Variants in NMNAT2 observed in about 807,000 individuals in gnomAD.
The protein encoded by NMNAT2 is nicotinamide nucleotide adenylyltransferase 2, also known as nicotinamide/nicotinic acid mononucleotide adenylyltransferase 2.
A neutral mutation model predicts 41.6 loss-of-function variants in NMNAT2; 11 were observed. The observed-to-expected ratio is 0.26, with a 90% CI of 0.17 to 0.44. The LOEUF is 0.44. Ranked by LOEUF, NMNAT2 falls within the 20% of genes least tolerant of loss-of-function variation. NMNAT2 has a pLI of 1.00. For missense variants in NMNAT2, 288 were observed against 407.7 expected (o/e 0.71, Z 2.53); for synonymous variants, 148 against 151.2 (o/e 0.98, Z 0.16).
At chr1:183,310,285 C>T (rs1047778418) in intron 1 of NMNAT2, among the ~76,000 whole-genome samples, 17 of 152,162 alleles carry the variant, frequency 1.1e-4, no homozygotes, top group African/African-American at 4.1e-4. Context: ...TGCCCTGATC[C>T]TGGGACCGCT....
At chr1:183,300,170 G>A (rs1661811765) in intron 1 of NMNAT2, among the ~76,000 whole-genome samples, 2 of 152,208 alleles carry the variant, frequency 1.3e-5, no homozygotes, top group South Asian at 2.1e-4. Context: ...TTGGGAGGCC[G>A]AGGTGGGCGT....
intron 1 of NMNAT2, among the ~76,000 whole-genome samples, chr1:183,332,680 T>C (rs1662609431): frequency 6.6e-6 from 1 of 152,026 alleles, no homozygotes; most frequent in Non-Finnish European, 1.5e-5. Flanking sequence ...CCTTTCAGTC[T>C]GACTGGCAAC....
At chr1:183,320,877 A>G (rs972051477) in intron 1 of NMNAT2, among the ~76,000 whole-genome samples, 11 of 152,192 alleles carry the variant, frequency 7.2e-5, no homozygotes, top group African/African-American at 2.7e-4. Context: ...AGTAGGGGAG[A>G]TTGGTGAACA....
intron 1 of NMNAT2, among the ~76,000 whole-genome samples, chr1:183,393,107 T>C (rs1265601123): frequency 6.6e-6 from 1 of 152,226 alleles, no homozygotes; most frequent in Non-Finnish European, 1.5e-5. Flanking sequence ...ACATGATCCC[T>C]AGCTGCTCCA....
chr1:183,417,884 A>C (rs550138819), intron 1 of NMNAT2, among the ~76,000 whole-genome samples: 4 of 151,728 alleles, frequency 2.6e-5, no homozygotes, highest in South Asian at 2.1e-4. Context: ...GCCACACTCC[A>C]GTTCTGGTAT....
intron 1 of NMNAT2, among the ~76,000 whole-genome samples, chr1:183,351,440 G>C (rs1356675542): frequency 6.6e-6 from 1 of 152,134 alleles, no homozygotes; most frequent in Non-Finnish European, 1.5e-5. Context: ...GACACAAACT[G>C]CCAAGTCTGT....
In NMNAT2 at chr1:183,290,346, G is replaced by A. The variant is rs1571576898; in HGVS notation, c.243-140C>T. The A allele has an allele frequency of 4.8e-6, 3 of 626,418 alleles. No individual in the cohort carries two copies. The East Asian group carries it at 8.9e-5, about 19-fold the overall frequency. 38.8% of individuals were successfully genotyped at this position (626,418 alleles called of 1,614,324 possible). A position where few individuals can be genotyped will look rare whatever the true frequency, so the allele number is the denominator to read the frequency against. The stretch of plus-strand genomic sequence containing the variant: ...TTAGATCTTGAATCAGATAAAACCT[G>A]GGTGTGAAACACTCTTCTGAGCTTC... On this transcript the variant is annotated intron_variant, in intron 3 of 10. Transcript: ENST00000287713.
intron 1 of NMNAT2, among the ~76,000 whole-genome samples, chr1:183,372,999 C>G (rs77852799): frequency 2.0e-5 from 3 of 152,204 alleles, no homozygotes; most frequent in Non-Finnish European, 4.4e-5. Flanking sequence ...CCAGCTCCCC[C>G]AGGGAGGCCA....
rs938770272 is a variant in NMNAT2 at position 183,320,424 on chromosome 1, T to C, written c.86-26631A>G. On this transcript the variant is annotated intron_variant, in intron 1 of 10. Coordinates refer to ENST00000287713, the MANE Select transcript of NMNAT2 (RefSeq NM_015039.4). ...TTCAAGACCAGCCTGGCCAACGTGG[T>C]GAAACCCCTGTCTCTACTAAAAATA... Among the ~76,000 whole-genome samples the C allele has an allele frequency of 7.9e-5, 12 of 152,024 alleles. 1 individual carries two copies. The highest frequency in any genetic ancestry group is 2.7e-4 in the African/African-American group (11 of 41,402).
intron 1 of NMNAT2, among the ~76,000 whole-genome samples, chr1:183,304,420 A>T (rs1317693972): frequency 6.6e-6 from 1 of 152,116 alleles, no homozygotes; most frequent in Admixed American, 6.5e-5. Flanking sequence ...TCCCAAGGGG[A>T]TGATAGGTTA....
chr1:183,373,074 A>G lies in NMNAT2; in HGVS notation c.85+45109T>C, dbSNP rs143050358. Among the ~76,000 whole-genome samples the G allele has an allele frequency of 1.2e-4, 18 of 152,350 alleles. No individual in the cohort carries two copies. In the East Asian group the frequency reaches 3.5e-3, roughly 29 times the overall value. ...GACTCTAAACAAGCTATTGGGCCAGAGAGCCCTCAGAATGGGGCCAAGTGA... is the reference window on the plus strand; with the variant it reads ...GACTCTAAACAAGCTATTGGGCCAGGGAGCCCTCAGAATGGGGCCAAGTGA... On this transcript the variant is annotated intron_variant, in intron 1 of 10. Coordinates refer to ENST00000287713, the MANE Select transcript of NMNAT2 (RefSeq NM_015039.4).
chr1:183,416,472 A>G (rs186513649), intron 1 of NMNAT2, among the ~76,000 whole-genome samples: 12 of 152,340 alleles, frequency 7.9e-5, no homozygotes, highest in African/African-American at 2.9e-4. Flanking sequence ...GGATGAAGAC[A>G]CCAGCATCAA....
At chr1:183,318,143 G>A (rs987215281) in intron 1 of NMNAT2, among the ~76,000 whole-genome samples, 4 of 152,128 alleles carry the variant, frequency 2.6e-5, no homozygotes, top group African/African-American at 4.8e-5. Context: ...ATTGGGCTTC[G>A]ACTCCCAGAC....
intron 1 of NMNAT2, among the ~76,000 whole-genome samples, chr1:183,334,800 G>A (rs1053773005): frequency 7.9e-5 from 12 of 152,120 alleles, no homozygotes; most frequent in Non-Finnish European, 1.3e-4. Flanking sequence ...ATGAGCCACC[G>A]CACCTGGCCC....
intron 4 of NMNAT2, 93 bp downstream of exon 4, chr1:183,290,035 C>A (rs1661498283): frequency 1.0e-6 from 1 of 1,003,536 alleles, no homozygotes; most frequent in African/African-American, 1.6e-5. Flanking sequence ...GCCAGCAGCA[C>A]CCTCTCCTCT....
intron 1 of NMNAT2, among the ~76,000 whole-genome samples, chr1:183,308,351 C>T (rs531439546): frequency 1.0e-3 from 152 of 152,250 alleles, no homozygotes; most frequent in African/African-American, 3.6e-3. Flanking sequence ...ACGTGGTCCA[C>T]GAGAGCATAA....
At chr1:183,298,315 A>C (rs1283794720) in intron 1 of NMNAT2, among the ~76,000 whole-genome samples, 3 of 152,260 alleles carry the variant, frequency 2.0e-5, no homozygotes, top group Admixed American at 6.5e-5. Flanking sequence ...ATTTACAAGG[A>C]AACTCCAGCA....
rs138044604 is a variant in NMNAT2 at position 183,372,745 on chromosome 1, C to T, written c.85+45438G>A. On this transcript the variant is annotated intron_variant, in intron 1 of 10. Transcript: ENST00000287713. ...GAAAGCAGAATCCAAAGGCGTGATC[C>T]TGGACGGTGACCAAGATGGACAACA... 8.7e-3 allele frequency among the ~76,000 whole-genome samples: 1,322 copies of T among 152,264 alleles called. 16 individuals are homozygous for T. Among genetic ancestry groups the T allele is most frequent in the Middle Eastern group, 0.014 (4 of 294 alleles).
intron 1 of NMNAT2, among the ~76,000 whole-genome samples, chr1:183,298,799 T>C (rs12081676): frequency 0.12 from 18,836 of 152,132 alleles, 1,237 homozygotes; most frequent in African/African-American, 0.15. Context: ...AGACATACTA[T>C]GTTATGGATT....
Sources: allele counts gnomAD v4.1 joint callset (sites outside exome capture counted in the v4.1 genomes callset), GRCh38; gene constraint gnomAD v4.1.1; transcripts MANE v1.5; gene names NCBI Gene and HGNC (gene_info 2026-07-23, HGNC 2026-07-21).